The following DCC variants were observed in gnomAD, a reference collection of about 807,000 sequenced individuals.
DCC encodes the protein DCC netrin 1 receptor.
In DCC, 58 loss-of-function variants were observed where a neutral mutation model predicts 172.5. That is an observed-to-expected ratio of 0.34 (90% CI 0.27 to 0.42). The LOEUF (loss-of-function observed/expected upper bound fraction) is 0.42. Ranked by LOEUF, DCC falls within the 10% of genes least tolerant of loss-of-function variation. DCC has a pLI of 1.00. For synonymous variants in DCC, 709 were observed against 644.5 expected (o/e 1.10, Z -1.52); for missense variants, 1,740 against 1,791.0 (o/e 0.97, Z 0.51).
chr18:52,816,942 C>G (rs1598833085), intron 2 of DCC: 1 of 152,062 alleles, frequency 6.6e-6, no homozygotes, highest in South Asian at 2.1e-4. Flanking sequence ...TTACTTTTTG[C>G]AAGGTACAGT....
At chr18:52,478,981 A>G (rs1358164253) in intron 1 of DCC, among the ~76,000 whole-genome samples, 1 of 152,184 alleles carries the variant, frequency 6.6e-6, no homozygotes, top group Non-Finnish European at 1.5e-5. Flanking sequence ...CTCTGCTGGC[A>G]TGGGAATGAA....
intron 7 of DCC, among the ~76,000 whole-genome samples, chr18:53,084,846 C>T (rs937712654): frequency 4.6e-5 from 7 of 152,198 alleles, no homozygotes; most frequent in African/African-American, 1.7e-4. Flanking sequence ...ATTCAAGATT[C>T]TTCCACTAAT....
chr18:52,700,417 A>T (rs1183123358), intron 1 of DCC, among the ~76,000 whole-genome samples: 2 of 151,996 alleles, frequency 1.3e-5, no homozygotes, highest in African/African-American at 4.8e-5. Flanking sequence ...ACGCACATGC[A>T]CACACACACA....
intron 7 of DCC, among the ~76,000 whole-genome samples, chr18:53,070,717 T>C (rs976811693): frequency 6.6e-6 from 1 of 152,210 alleles, no homozygotes; most frequent in Non-Finnish European, 1.5e-5. Flanking sequence ...TTGTTTATTG[T>C]ATTTGGCATT....
rs984696859 is a variant in DCC at position 52,406,169 on chromosome 18, A to G, written c.91+65291A>G. ...TTCCTTACACCTTATACAAAAATCA[A>G]TTCAAGTTGGATTGAAGACTTAAAT... On this transcript the variant is annotated intron_variant, in intron 1 of 28. Transcript: ENST00000442544. 4.0e-5 allele frequency among the ~76,000 whole-genome samples: 6 copies of G among 150,396 alleles called. No individual in the cohort carries two copies. In the East Asian group the frequency reaches 7.8e-4, roughly 20 times the overall value.
At chr18:53,422,657 T>C (rs1910696114) in intron 21 of DCC, among the ~76,000 whole-genome samples, 1 of 152,164 alleles carries the variant, frequency 6.6e-6, no homozygotes, top group Non-Finnish European at 1.5e-5. Context: ...ATAAACAGAA[T>C]GTTAATTGTT....
chr18:52,660,770 A>C (rs2035343885), intron 1 of DCC, among the ~76,000 whole-genome samples: 1 of 152,204 alleles, frequency 6.6e-6, no homozygotes, highest in Admixed American at 6.5e-5. Context: ...TGTAAGAATC[A>C]AATTGTTCTG....
At chr18:52,916,951 T>A (rs1357265958) in intron 3 of DCC, among the ~76,000 whole-genome samples, 1 of 151,666 alleles carries the variant, frequency 6.6e-6, no homozygotes, top group African/African-American at 2.4e-5. Flanking sequence ...CCGACATAGG[T>A]GTTTTTTTAA....
chr18:53,163,748 C>G (rs1015995306), intron 8 of DCC, among the ~76,000 whole-genome samples: 18 of 152,152 alleles, frequency 1.2e-4, no homozygotes, highest in African/African-American at 4.3e-4. Flanking sequence ...AGATATCTAG[C>G]TATCCCCTCT....
intron 1 of DCC, among the ~76,000 whole-genome samples, chr18:52,628,362 T>G (rs571005518): frequency 6.6e-6 from 1 of 152,246 alleles, no homozygotes; most frequent in South Asian, 2.1e-4. Flanking sequence ...TAGCATCCAA[T>G]GTGTCTTTCA....
Position 52,990,540 on chromosome 18 carries a change from C to CAAA in DCC, c.985+65194_985+65196dup, listed in dbSNP as rs60491222. On this transcript the variant is annotated intron_variant, in intron 5 of 28. Transcript: ENST00000442544. ...GGGCAACAAGAGCAAAACTCCATCC[C>CAAA]AAAAAAAAAAAAAAAAAAAAAAAAA... Among the ~76,000 whole-genome samples, 4 of 3,660 alleles carry CAAA rather than the reference C, an allele frequency of 1.1e-3. 2 individuals carry two copies. The highest frequency in any genetic ancestry group is 2.5e-3 in the Non-Finnish European group (4 of 1,572). 2.4% of individuals were successfully genotyped at this position (3,660 alleles called of 152,430 possible).
At chr18:53,039,963 G>A (rs1303786997) in intron 5 of DCC, among the ~76,000 whole-genome samples, 1 of 151,928 alleles carries the variant, frequency 6.6e-6, no homozygotes, top group Non-Finnish European at 1.5e-5. Flanking sequence ...CCTAACATGT[G>A]GGTGCTCAGT....
intron 12 of DCC, among the ~76,000 whole-genome samples, chr18:53,272,262 A>G (rs2144709275): frequency 6.6e-6 from 1 of 152,268 alleles, no homozygotes; most frequent in East Asian, 1.9e-4. Flanking sequence ...AATATGTATT[A>G]CCTAGCCTAT....
intron 12 of DCC, among the ~76,000 whole-genome samples, chr18:53,286,583 G>A (rs1035091827): frequency 2.0e-5 from 3 of 152,122 alleles, no homozygotes; most frequent in Non-Finnish European, 4.4e-5. Flanking sequence ...GCCTCTAATT[G>A]TGCCTGGCTT....
At chr18:53,160,608 T>A (rs1012736348) in intron 8 of DCC, among the ~76,000 whole-genome samples, 1 of 152,198 alleles carries the variant, frequency 6.6e-6, no homozygotes, top group Non-Finnish European at 1.5e-5. Context: ...ACTGGGCTGA[T>A]TCGTCTCACT....
intron 17 of DCC, among the ~76,000 whole-genome samples, chr18:53,396,776 A>G (rs573604456): frequency 2.0e-5 from 3 of 152,318 alleles, no homozygotes; most frequent in South Asian, 4.1e-4. Context: ...ACAATGGTCT[A>G]TTTAAAATAT....
At chr18:52,400,530 G>A (rs951559078) in intron 1 of DCC, among the ~76,000 whole-genome samples, 8 of 152,076 alleles carry the variant, frequency 5.3e-5, no homozygotes, top group African/African-American at 1.9e-4. Flanking sequence ...TTAGAAGACA[G>A]TGTGGCAATT....
intron 5 of DCC, among the ~76,000 whole-genome samples, chr18:53,032,526 A>G (rs1461310406): frequency 6.6e-6 from 1 of 152,184 alleles, no homozygotes; most frequent in Non-Finnish European, 1.5e-5. Flanking sequence ...TCATGTAAAA[A>G]TTCTTTTAGG....
intron 24 of DCC, among the ~76,000 whole-genome samples, chr18:53,462,294 T>C (rs60175027): frequency 0.072 from 10,982 of 152,082 alleles, 740 homozygotes; most frequent in African/African-American, 0.18. Context: ...TTCATATGTA[T>C]TTACAGCCAT....
Sources: gnomAD v4.1 joint callset for allele counts (sites outside exome capture counted in the v4.1 genomes callset) on GRCh38, gnomAD v4.1.1 for gene constraint, MANE v1.5 for transcripts, NCBI Gene and HGNC (gene_info 2026-07-23, HGNC 2026-07-21) for gene names.